Variants in KCNU1 observed in about 807,000 individuals in gnomAD.
KCNU1 encodes the protein potassium channel subfamily U member 1.
A neutral mutation model predicts 126.8 loss-of-function variants in KCNU1; 93 were observed. That is an observed-to-expected ratio of 0.73 (90% CI 0.62 to 0.87). The LOEUF is 0.87. Among genes scored for constraint, KCNU1 ranks in the 40% least tolerant of loss-of-function variants. The probability of loss-of-function intolerance (pLI) is 0.00; values close to 1 mark genes in which losing one functional copy is unlikely to be tolerated. For synonymous variants in KCNU1, 523 were observed against 494.2 expected (o/e 1.06, Z -0.77); for missense variants, 1,330 against 1,367.1 (o/e 0.97, Z 0.43).
At chr8:36,833,682 C>T in intron 11 of KCNU1, 23 bp downstream of exon 11, 3 of 1,433,466 alleles carry the variant, frequency 2.1e-6, no homozygotes, top group Non-Finnish European at 2.9e-6. Flanking sequence ...TGTTTTTGTT[C>T]CTTGTAGTTT....
intron 19 of KCNU1, among the ~76,000 whole-genome samples, chr8:36,902,603 T>C (rs1015171627): frequency 1.3e-5 from 2 of 152,134 alleles, no homozygotes; most frequent in African/African-American, 4.8e-5. Flanking sequence ...AACTTGGTCA[T>C]GATATGTAAA....
chr8:36,847,941 T>C (rs1385934382), intron 18 of KCNU1, among the ~76,000 whole-genome samples: 1 of 152,196 alleles, frequency 6.6e-6, no homozygotes, highest in African/African-American at 2.4e-5. Context: ...GCGTATGAGT[T>C]CCCTGTTCTC....
intron 10 of KCNU1, among the ~76,000 whole-genome samples, chr8:36,829,404 C>T (rs375176325): frequency 1.6e-4 from 24 of 151,528 alleles, no homozygotes; most frequent in African/African-American, 4.8e-4. Context: ...AAATTTTTTT[C>T]GTCATTTATG....
chr8:36,836,715 AG>A, intron 13 of KCNU1, 77 bp from the exon 14 acceptor site: 2 of 1,254,938 alleles, frequency 1.6e-6, no homozygotes, highest in South Asian at 2.7e-5. Context: ...ATTTAAAAAA[AG>A]AAAGACATCC....
intron 19 of KCNU1, among the ~76,000 whole-genome samples, chr8:36,904,822 T>C (rs1027372006): frequency 7.9e-5 from 12 of 152,060 alleles, no homozygotes; most frequent in African/African-American, 2.9e-4. Flanking sequence ...GATGGCTGTG[T>C]GGAGGAGAGA....
At position 36,901,497 on chromosome 8, in the gene KCNU1, C is replaced by T. The variant is rs539659399; in HGVS notation, c.2010-4211C>T. ...GACACGTTCTGCTCATGAGGCAACA[C>T]GTTCTGCTCATGAGACACAGTCTTC... On this transcript the variant is annotated intron_variant, in intron 19 of 26. Coordinates refer to ENST00000399881, the MANE Select transcript of KCNU1 (RefSeq NM_001031836.3). Among the ~76,000 whole-genome samples, 25 of 152,248 alleles carry T rather than the reference C, an allele frequency of 1.6e-4. No individual in the cohort carries two copies. In the East Asian group the frequency reaches 2.9e-3, roughly 18 times the overall value.
chr8:36,829,174 C>A (rs185316594), intron 10 of KCNU1, among the ~76,000 whole-genome samples: 12 of 152,086 alleles, frequency 7.9e-5, no homozygotes, highest in Admixed American at 2.6e-4. Flanking sequence ...TGCAATAATT[C>A]TTCATCAGTT....
At chr8:36,856,425 G>T (rs902704326) in intron 18 of KCNU1, among the ~76,000 whole-genome samples, 2 of 152,164 alleles carry the variant, frequency 1.3e-5, no homozygotes, top group Non-Finnish European at 2.9e-5. Context: ...GAAAACCAAG[G>T]CTTGTTGTTG....
chr8:36,790,442 A>G (rs1029585726), intron 2 of KCNU1, among the ~76,000 whole-genome samples: 8 of 152,194 alleles, frequency 5.3e-5, no homozygotes, highest in Middle Eastern at 3.4e-3. Context: ...ACTTCAAACA[A>G]TGAAATAGAG....
At chr8:36,904,906 G>A (rs1563326999) in intron 19 of KCNU1, among the ~76,000 whole-genome samples, 1 of 152,278 alleles carries the variant, frequency 6.6e-6, no homozygotes, top group Middle Eastern at 3.4e-3. Flanking sequence ...CCCTGGGGAT[G>A]TTGAGGTTGT....
intron 19 of KCNU1, among the ~76,000 whole-genome samples, chr8:36,878,111 T>C (rs1241078992): frequency 1.3e-5 from 2 of 152,208 alleles, no homozygotes; most frequent in African/African-American, 4.8e-5. Context: ...AAGAATGATC[T>C]CTTTTCAAAC....
chr8:36,799,700 A>ATT (rs556183981), intron 2 of KCNU1, among the ~76,000 whole-genome samples: 10,222 of 139,684 alleles, frequency 0.073, 993 homozygotes, highest in African/African-American at 0.23. Context: ...ACACTTGGCT[A>ATT]TTTTTTTTTT....
chr8:36,846,012 A>G, intron 18 of KCNU1, 113 bp downstream of exon 18: 3 of 668,736 alleles, frequency 4.5e-6, no homozygotes, highest in South Asian at 1.8e-5. Flanking sequence ...CTTGGCCAGG[A>G]AGTGGCAGAC....
intron 22 of KCNU1, among the ~76,000 whole-genome samples, chr8:36,915,601 C>A (rs938344117): frequency 1.3e-5 from 2 of 152,234 alleles, no homozygotes; most frequent in Admixed American, 6.5e-5. Context: ...AATCTAGGAT[C>A]TTGCAAGCCA....
At chr8:36,891,047 T>C (rs1806944136) in intron 19 of KCNU1, among the ~76,000 whole-genome samples, 1 of 151,854 alleles carries the variant, frequency 6.6e-6, no homozygotes, top group African/African-American at 2.4e-5. Context: ...AAATTGATTA[T>C]GAATAATGAA....
At chr8:36,846,748 C>T (rs544080546) in intron 18 of KCNU1, among the ~76,000 whole-genome samples, 2 of 147,344 alleles carry the variant, frequency 1.4e-5, no homozygotes, top group East Asian at 4.0e-4. Flanking sequence ...TTGCAGTAAG[C>T]CGAGATCATA....
intron 18 of KCNU1, among the ~76,000 whole-genome samples, chr8:36,855,969 A>C (rs1459261296): frequency 6.6e-6 from 1 of 152,164 alleles, no homozygotes; most frequent in East Asian, 1.9e-4. Flanking sequence ...GTAGGGCACA[A>C]TTTAGTCCAC....
chr8:36,912,827 G>T (rs1020810248), intron 22 of KCNU1, among the ~76,000 whole-genome samples: 1 of 151,930 alleles, frequency 6.6e-6, no homozygotes, highest in African/African-American at 2.4e-5. Context: ...AATTAGCTTG[G>T]TGTGGTGGCG....
At chr8:36,815,748 G>T in intron 9 of KCNU1, 61 bp downstream of exon 9, 2 of 939,612 alleles carry the variant, frequency 2.1e-6, no homozygotes, top group Non-Finnish European at 3.3e-6. Context: ...CATATATCTC[G>T]TTCTAGACAT....
Sources: gnomAD v4.1 joint callset for allele counts (sites outside exome capture counted in the v4.1 genomes callset) on GRCh38, gnomAD v4.1.1 for gene constraint, MANE v1.5 for transcripts, NCBI Gene and HGNC (gene_info 2026-07-23, HGNC 2026-07-21) for gene names.